DNAH14: variants seen among roughly 807,000 people sequenced by gnomAD.
The protein encoded by DNAH14 is dynein axonemal heavy chain 14.
In DNAH14, 478 loss-of-function variants were observed where a neutral mutation model predicts 520.9. That is an observed-to-expected ratio of 0.92 (90% confidence interval 0.85 to 0.99). The LOEUF is 0.99. DNAH14 is among the 50% of genes least tolerant of loss of function. The pLI, the probability that DNAH14 is intolerant of heterozygous loss-of-function variation, is 0.00. For missense variants in DNAH14, 4,831 were observed against 5,234.5 expected (o/e 0.92, Z 2.38); for synonymous variants, 1,581 against 1,757.2 (o/e 0.90, Z 2.51).
rs1558312282 is a variant in DNAH14, at chr1:225,301,021, C to T, written c.8622C>T (p.Phe2874=). 4 of 1,547,820 alleles carry T rather than the reference C, an allele frequency of 2.6e-6. No individual in the cohort carries two copies. The highest frequency in any genetic ancestry group is 1.7e-4 in the Middle Eastern group (1 of 5,826). Residue 2874 remains phenylalanine (F), a synonymous_variant, in exon 56 of 86, where the codon TTC becomes TTT. Coordinates refer to ENST00000682510, the MANE Select transcript of DNAH14 (RefSeq NM_001367479.1). ...HMDNRQSLLS[F]FQKRIYKNLH... Reference sequence around the variant, plus strand: ...ATAATAGGCAATCTTTACTTTCATTCTTTCAAAAGGTACTTTTTTGTGACT... The same window carrying T: ...ATAATAGGCAATCTTTACTTTCATTTTTTCAAAAGGTACTTTTTTGTGACT...
chr1:225,261,336 T>A (rs2092928660), intron 46 of DNAH14, among the ~76,000 whole-genome samples: 1 of 152,172 alleles, frequency 6.6e-6, no homozygotes, highest in South Asian at 2.1e-4. Flanking sequence ...TTGTTGAGAA[T>A]TTTTTATGAA....
intron 54 of DNAH14, among the ~76,000 whole-genome samples, chr1:225,288,580 C>G (rs2093798520): frequency 6.6e-6 from 1 of 151,980 alleles, no homozygotes; most frequent in African/African-American, 2.4e-5. Flanking sequence ...TATGACAGTT[C>G]CCCATACTAT....
At chr1:225,227,586 C>G (rs989958125) in intron 41 of DNAH14, among the ~76,000 whole-genome samples, 1 of 152,058 alleles carries the variant, frequency 6.6e-6, no homozygotes, top group African/African-American at 2.4e-5. Context: ...CTTTCTTTCC[C>G]CCACACATTT....
chr1:225,056,181 A>G (rs1049663547), intron 17 of DNAH14, among the ~76,000 whole-genome samples: 2 of 152,084 alleles, frequency 1.3e-5, no homozygotes, highest in African/African-American at 4.8e-5. Context: ...ATTTCTCCAC[A>G]TCCTCTCCAG....
intron 11 of DNAH14, among the ~76,000 whole-genome samples, chr1:225,034,383 C>G (rs2066775688): frequency 6.6e-6 from 1 of 152,060 alleles, no homozygotes; most frequent in South Asian, 2.1e-4. Flanking sequence ...GTATGTTGAG[C>G]CAACCTTGGA....
chr1:225,082,764 A>G (rs79073934), intron 20 of DNAH14, 25 bp downstream of exon 20: 24,109 of 1,524,306 alleles, frequency 0.016, 231 homozygotes, highest in Non-Finnish European at 0.018. Flanking sequence ...TTTTTTAAAA[A>G]AATAGGTTGA....
Position 225,277,434 on chromosome 1 carries a change from A to G in DNAH14, c.8203A>G (p.Lys2735Glu). 2.1e-6 allele frequency: 1 copy of G among 470,514 alleles called. No individual in the cohort carries two copies. The highest frequency in any genetic ancestry group is 1.6e-5 in the South Asian group (1 of 64,390). The allele number at this position is 470,514 out of a possible 1,614,324, so 29.1% of individuals were successfully genotyped here. The stretch of plus-strand genomic sequence containing the variant: ...GCTTTCTCATTCCATGGTGTTCTTC[A>G]AGGAAGCCATAGAACACATCATAAG... ...LELSHSMVFF[K>E]EAIEHIIRAT... The change falls in exon 54 of 86, where the codon AAG becomes GAG. Residue 2735 changes from lysine (K) to glutamate (E), a missense_variant. Transcript: ENST00000682510.
chr1:225,324,166 A>G, intron 62 of DNAH14, 56 bp from the exon 63 acceptor site: 1 of 1,538,760 alleles, frequency 6.5e-7, no homozygotes. Context: ...ACTGGGGAAA[A>G]CTTCAGGTGA....
At chr1:225,213,228 G>A (rs1307823002) in intron 41 of DNAH14, among the ~76,000 whole-genome samples, 3 of 152,060 alleles carry the variant, frequency 2.0e-5, no homozygotes, top group Non-Finnish European at 2.9e-5. Flanking sequence ...TAGATGTGTG[G>A]TATTATTTCT....
In DNAH14 at chr1:225,147,240, A is replaced by ATTC; in HGVS notation, c.4933_4935dup (p.Ser1645dup). The ATTC allele has an allele frequency of 1.3e-6, 2 of 1,544,236 alleles. No homozygotes were observed. Among genetic ancestry groups the ATTC allele is most frequent in the Non-Finnish European group, 8.7e-7 (1 of 1,145,000 alleles). On this transcript the variant is annotated inframe_insertion, in exon 31 of 86. Coordinates refer to ENST00000682510, the MANE Select transcript of DNAH14 (RefSeq NM_001367479.1). ...ACAATTAAGGCTGCAAAAGACAACT[A>ATTC]TTCTGCCAGGTATTTGTCGAATGTG...
chr1:225,361,015 G>T, intron 75 of DNAH14, 124 bp downstream of exon 75: 1 of 868,026 alleles, frequency 1.2e-6, no homozygotes, highest in Admixed American at 2.7e-5. Context: ...CCACTCAGAT[G>T]AAACTTAACC....
chr1:225,375,411 G>A (rs1415521467), intron 78 of DNAH14, among the ~76,000 whole-genome samples: 1 of 152,194 alleles, frequency 6.6e-6, no homozygotes, highest in Non-Finnish European at 1.5e-5. Flanking sequence ...ACCTTAGACT[G>A]TAGAGGGTTG....
chr1:225,272,310 G>T (rs146356005), intron 51 of DNAH14, among the ~76,000 whole-genome samples: 120 of 152,328 alleles, frequency 7.9e-4, no homozygotes, highest in Non-Finnish European at 1.4e-3. Context: ...CCTCAGCAGA[G>T]AAATAAGTGA....
chr1:225,218,770 G>A (rs1368251122), intron 41 of DNAH14, among the ~76,000 whole-genome samples: 1 of 152,104 alleles, frequency 6.6e-6, no homozygotes, highest in South Asian at 2.1e-4. Flanking sequence ...AATTCACAAG[G>A]ATATCCAGGA....
chr1:225,172,229 T>C (rs2149235636), intron 36 of DNAH14, among the ~76,000 whole-genome samples: 1 of 152,192 alleles, frequency 6.6e-6, no homozygotes, highest in South Asian at 2.1e-4. Flanking sequence ...CTCTCACCAC[T>C]CCTATTCAAC....
At chr1:225,229,863 T>C (rs1158927138) in intron 41 of DNAH14, among the ~76,000 whole-genome samples, 1 of 152,150 alleles carries the variant, frequency 6.6e-6, no homozygotes, top group Non-Finnish European at 1.5e-5. Flanking sequence ...CATGTATACC[T>C]ATGTAACAAA....
At position 225,163,261 on chromosome 1, in the gene DNAH14, C is replaced by T. The variant is rs767372982; in HGVS notation, c.5445+3776C>T. On this transcript the variant is annotated intron_variant, in intron 35 of 85. Transcript: ENST00000682510. ...ATCAGTTCCAATTGTTTTTTGGTAG[C>T]GTCTCCAAGTTTTTCCAAATATAAG... Among the ~76,000 whole-genome samples, 20 of 151,166 alleles carry T rather than the reference C, an allele frequency of 1.3e-4. 1 individual carries two copies. The highest frequency in any genetic ancestry group is 1.0e-4 in the Non-Finnish European group (7 of 67,852).
chr1:225,206,971 C>A lies in DNAH14; in HGVS notation c.6190C>A (p.Pro2064Thr), dbSNP rs2149428421. The change falls in exon 41 of 86, where the codon CCT becomes ACT. Residue 2064 changes from proline (P) to threonine (T), a missense_variant. Physicochemically the swap from Pro to Thr is conservative, Grantham distance 38. Coordinates refer to ENST00000682510, the MANE Select transcript of DNAH14 (RefSeq NM_001367479.1). ...ATATTTTGCTCCTTATTATTAGGAT[C>A]CTGTTGATCTGGGATGGGAACCTTA... is the stretch of plus-strand genomic sequence containing the variant. ...VSRCAMVYMD[P>T]VDLGWEPYVK... is the part of the protein sequence containing the mutation. 6.7e-7 allele frequency: 1 copy of A among 1,482,476 alleles called. No individual in the cohort carries two copies. The highest frequency in any genetic ancestry group is 1.4e-5 in the African/African-American group (1 of 69,540). The allele number at this position is 1,482,476 out of a possible 1,614,324, so 91.8% of individuals were successfully genotyped here. A position where few individuals can be genotyped will look rare whatever the true frequency, so the allele number is the denominator to read the frequency against.
At chr1:225,017,993 A>G (rs1323575045) in intron 10 of DNAH14, among the ~76,000 whole-genome samples, 4 of 152,186 alleles carry the variant, frequency 2.6e-5, no homozygotes, top group Admixed American at 2.6e-4. Flanking sequence ...GAACTCTGCA[A>G]CTCTAAAAGC....
Sources: allele counts gnomAD v4.1 joint callset (sites outside exome capture counted in the v4.1 genomes callset), GRCh38; gene constraint gnomAD v4.1.1; transcripts MANE v1.5; gene names NCBI Gene and HGNC (gene_info 2026-07-23, HGNC 2026-07-21).